The following ESD variants were observed in gnomAD, a reference collection of about 807,000 sequenced individuals.
ESD encodes esterase D, also known as S-formylglutathione hydrolase.
In ESD, 34 loss-of-function variants were observed where a neutral mutation model predicts 38.1. The ratio of observed to expected loss-of-function variants is 0.89; its 90% CI spans 0.68 to 1.19. The LOEUF is 1.19. ESD is among the 50% of genes most tolerant of loss of function. ESD has a pLI of 0.00. For missense variants in ESD, 334 were observed against 327.2 expected (o/e 1.02, Z -0.16); for synonymous variants, 97 against 107.0 (o/e 0.91, Z 0.58).
Position 46,781,632 on chromosome 13 carries a change from A to C in ESD, c.382-17T>G. 1 of 1,597,188 alleles carries C rather than the reference A, an allele frequency of 6.3e-7. No homozygotes were observed. The highest frequency in any genetic ancestry group is 8.6e-7 in the Non-Finnish European group (1 of 1,168,730). ...TTGGGGAAGCTAGAAAAAATTTAAT[A>C]GTGTGACAAAAGATATCAAAGAAAA... On this transcript the variant is annotated splice_polypyrimidine_tract_variant and intron_variant, in intron 6 of 9. Transcript: ENST00000378720.
intron 7 of ESD, 127 bp downstream of exon 7, chr13:46,781,369 C>A: frequency 1.3e-6 from 1 of 788,464 alleles, no homozygotes; most frequent in Non-Finnish European, 1.9e-6. Context: ...TTCAAACACC[C>A]CAAAGTTCTC....
intron 5 of ESD, 103 bp from the exon 6 acceptor site, chr13:46,782,894 T>A: frequency 1.4e-6 from 2 of 1,386,092 alleles, no homozygotes; most frequent in Non-Finnish European, 2.0e-6. Context: ...ATGGGAACTG[T>A]TCACCAAATG....
At chr13:46,792,105 G>A (rs1875423297) in intron 2 of ESD, among the ~76,000 whole-genome samples, 1 of 151,972 alleles carries the variant, frequency 6.6e-6, no homozygotes, top group Non-Finnish European at 1.5e-5. Flanking sequence ...CATGTAAAAT[G>A]ACATATTTTA....
chr13:46,771,534 T>C, intron 9 of ESD, 38 bp from the exon 10 acceptor site: 3 of 1,257,922 alleles, frequency 2.4e-6, no homozygotes, highest in Non-Finnish European at 3.5e-6. Context: ...TTATCTACCA[T>C]TCAGGAACAT....
chr13:46,794,833 ACTCT>A (rs774960793), intron 1 of ESD, among the ~76,000 whole-genome samples: 3 of 151,646 alleles, frequency 2.0e-5, no homozygotes, highest in East Asian at 3.9e-4. Context: ...CTTCCCTTTC[ACTCT>A]GTCTCCTCCC....
In ESD at chr13:46,777,453, T is replaced by G; in HGVS notation, c.768+3A>C. The G allele has an allele frequency of 6.2e-7, 1 of 1,601,350 alleles. No individual in the cohort carries two copies. Among genetic ancestry groups the G allele is most frequent in the Non-Finnish European group, 8.5e-7 (1 of 1,172,214 alleles). Reference sequence around the variant, plus strand: ...GATCAAGCTAAAGTTTCCTAATACTTGCCTCTTGCAATCGAAAAACAACGG... The same window carrying G: ...GATCAAGCTAAAGTTTCCTAATACTGGCCTCTTGCAATCGAAAAACAACGG... On this transcript the variant is annotated splice_donor_region_variant and intron_variant, in intron 9 of 9. Coordinates refer to ENST00000378720, the MANE Select transcript of ESD (RefSeq NM_001984.2).
chr13:46,771,972 T>G (rs529401980), intron 9 of ESD, among the ~76,000 whole-genome samples: 1 of 152,070 alleles, frequency 6.6e-6, no homozygotes, highest in African/African-American at 2.4e-5. Flanking sequence ...GGCAAGACAT[T>G]TCAATTCACA....
chr13:46,771,815 G>A (rs528003194), intron 9 of ESD, among the ~76,000 whole-genome samples: 1 of 152,162 alleles, frequency 6.6e-6, no homozygotes, highest in East Asian at 1.9e-4. Flanking sequence ...GAGTAGACAT[G>A]TCATATCAAC....
intron 4 of ESD, among the ~76,000 whole-genome samples, chr13:46,785,914 G>A (rs192265685): frequency 6.6e-6 from 1 of 151,926 alleles, no homozygotes; most frequent in East Asian, 1.9e-4. Context: ...GAAACAAAAC[G>A]CAAAAACAAC....
intron 1 of ESD, among the ~76,000 whole-genome samples, chr13:46,795,823 G>A (rs1875554219): frequency 6.6e-6 from 1 of 151,128 alleles, no homozygotes; most frequent in African/African-American, 2.4e-5. Flanking sequence ...CCTGATCTCG[G>A]CTCACTGCAA....
chr13:46,783,128 G>A (rs1014706204), intron 5 of ESD, among the ~76,000 whole-genome samples: 6 of 151,892 alleles, frequency 4.0e-5, no homozygotes, highest in African/African-American at 1.5e-4. Flanking sequence ...TGTCAAAAAG[G>A]ACTTATATCC....
intron 9 of ESD, 183 bp downstream of exon 9, chr13:46,777,273 T>A: frequency 4.8e-6 from 2 of 413,040 alleles, no homozygotes; most frequent in Non-Finnish European, 8.6e-6. Flanking sequence ...CCTATTTCTA[T>A]CAAATTTAGT....
chr13:46,778,201 T>A (rs1874873013), intron 8 of ESD, among the ~76,000 whole-genome samples: 1 of 151,848 alleles, frequency 6.6e-6, no homozygotes, highest in South Asian at 2.1e-4. Flanking sequence ...CAACATCATC[T>A]CAAATTTATT....
intron 3 of ESD, among the ~76,000 whole-genome samples, chr13:46,788,658 A>G (rs1396874074): frequency 6.8e-6 from 1 of 147,996 alleles, no homozygotes; most frequent in Non-Finnish European, 1.5e-5. Context: ...GGTATGATTA[A>G]CACTTATGTA....
At chr13:46,781,222 T>C (rs551070066) in intron 7 of ESD, among the ~76,000 whole-genome samples, 45 of 151,830 alleles carry the variant, frequency 3.0e-4, no homozygotes, top group Non-Finnish European at 5.5e-4. Flanking sequence ...TTCAAAACTA[T>C]AGTTGGAATA....
At chr13:46,775,156 A>G (rs894642408) in intron 9 of ESD, among the ~76,000 whole-genome samples, 1 of 152,064 alleles carries the variant, frequency 6.6e-6, no homozygotes, top group Admixed American at 6.6e-5. Flanking sequence ...TGTACACTAG[A>G]TATCAGAATT....
intron 9 of ESD, among the ~76,000 whole-genome samples, chr13:46,774,705 C>T (rs1874725964): frequency 6.6e-6 from 1 of 152,144 alleles, no homozygotes; most frequent in Admixed American, 6.5e-5. Context: ...GCAGTGTTTT[C>T]TTATATATTT....
intron 6 of ESD, among the ~76,000 whole-genome samples, 170 bp from the exon 7 acceptor site, chr13:46,781,785 T>G (rs1228754419): frequency 6.6e-6 from 1 of 151,854 alleles, no homozygotes; most frequent in Non-Finnish European, 1.5e-5. Context: ...CAGACCATGA[T>G]TATTAATATA....
At chr13:46,779,844 C>T in intron 8 of ESD, 91 bp downstream of exon 8, 9 of 823,142 alleles carry the variant, frequency 1.1e-5, no homozygotes, top group Non-Finnish European at 1.7e-5. Flanking sequence ...AGAGCCCTAA[C>T]ATGAGCAGGG....
Sources: gnomAD v4.1 joint callset for allele counts (sites outside exome capture counted in the v4.1 genomes callset) on GRCh38, gnomAD v4.1.1 for gene constraint, MANE v1.5 for transcripts, NCBI Gene and HGNC (gene_info 2026-07-23, HGNC 2026-07-21) for gene names.